Variants in EBF1 observed in about 807,000 individuals in gnomAD.
EBF1 encodes transcription factor COE1.
EBF1 carries 10 observed loss-of-function variants against 68.4 expected under a neutral mutation model. The ratio of observed to expected loss-of-function variants is 0.15; its 90% CI spans 0.09 to 0.25. EBF1 has a LOEUF of 0.25. Among genes scored for constraint, EBF1 ranks in the 10% least tolerant of loss-of-function variants. EBF1 has a pLI of 1.00. For synonymous variants in EBF1, 298 were observed against 299.8 expected, an observed-to-expected ratio of 0.99 and a Z score of 0.06; for missense variants, 509 against 794.4, an observed-to-expected ratio of 0.64 and a Z score of 4.32.
chr5:158,855,616 T>C (rs1323872432), intron 6 of EBF1, among the ~76,000 whole-genome samples: 1 of 152,186 alleles, frequency 6.6e-6, no homozygotes, highest in Non-Finnish European at 1.5e-5. Context: ...ACCTCAGTGA[T>C]CCCCCTCTCA....
intron 7 of EBF1, among the ~76,000 whole-genome samples, chr5:158,826,037 G>A (rs1171809323): frequency 6.6e-6 from 1 of 152,064 alleles, no homozygotes; most frequent in Non-Finnish European, 1.5e-5. Flanking sequence ...TTAATAAGGT[G>A]CTGACACATT....
At chr5:158,941,361 C>A (rs796278566) in intron 6 of EBF1, 13 of 426,890 alleles carry the variant, frequency 3.0e-5, no homozygotes, top group African/African-American at 1.8e-4. Flanking sequence ...GCAAAGGAAC[C>A]AATACAATGG....
intron 6 of EBF1, among the ~76,000 whole-genome samples, chr5:159,014,274 C>T (rs375937075): frequency 3.9e-5 from 6 of 152,242 alleles, no homozygotes; most frequent in Admixed American, 1.3e-4. Flanking sequence ...AAACAGATCA[C>T]GAAGGAGAAA....
intron 10 of EBF1, among the ~76,000 whole-genome samples, chr5:158,758,841 A>C (rs1035746157): frequency 6.6e-6 from 1 of 152,146 alleles, no homozygotes. Context: ...GCAGTGATAC[A>C]CTTGATAATC....
At chr5:158,736,456 T>C (rs993270160) in intron 10 of EBF1, among the ~76,000 whole-genome samples, 1 of 152,224 alleles carries the variant, frequency 6.6e-6, no homozygotes, top group Admixed American at 6.5e-5. Context: ...CTTTTTTTAA[T>C]GGTTGTGTGA....
At chr5:158,760,040 A>G (rs1397421541) in intron 10 of EBF1, among the ~76,000 whole-genome samples, 3 of 152,188 alleles carry the variant, frequency 2.0e-5, no homozygotes, top group Non-Finnish European at 4.4e-5. Context: ...ACAGTCTGCC[A>G]TTTTAAGGCC....
intron 6 of EBF1, among the ~76,000 whole-genome samples, chr5:158,947,870 TA>T (rs1815123305): frequency 6.6e-6 from 1 of 152,258 alleles, no homozygotes; most frequent in African/African-American, 2.4e-5. Context: ...AGCCCCCTTT[TA>T]AAAGTTCCCT....
intron 7 of EBF1, 37 bp downstream of exon 7, chr5:158,839,992 C>A (rs764365601): frequency 1.3e-6 from 2 of 1,581,086 alleles, no homozygotes; most frequent in South Asian, 1.1e-5. Context: ...GATATTCATG[C>A]CATTATTGAG....
At chr5:158,893,231 T>C (rs923729450) in intron 6 of EBF1, among the ~76,000 whole-genome samples, 1 of 152,342 alleles carries the variant, frequency 6.6e-6, no homozygotes, top group Admixed American at 6.5e-5. Flanking sequence ...TTTGGGAATA[T>C]ATATTATTAA....
In EBF1 at chr5:158,696,221, C is replaced by T. The variant is rs1376149888; in HGVS notation, c.*2890G>A. On this transcript the variant is annotated 3_prime_UTR_variant, in exon 16 of 16. Coordinates refer to ENST00000313708, the MANE Select transcript of EBF1 (RefSeq NM_024007.5). ...CCAACACTGAAATCTTAATTTAATT[C>T]TTCATTTCATTTTCTTCTTAAAGCC... is the stretch of plus-strand genomic sequence containing the variant. 2.8e-5 allele frequency: 6 copies of T among 218,044 alleles called. No homozygotes were observed. Among genetic ancestry groups the T allele is most frequent in the African/African-American group, 1.4e-4 (6 of 44,418 alleles). 13.5% of individuals were successfully genotyped at this position (218,044 alleles called of 1,614,324 possible).
At chr5:158,789,387 G>A (rs939106097) in intron 9 of EBF1, among the ~76,000 whole-genome samples, 140 of 152,134 alleles carry the variant, frequency 9.2e-4, no homozygotes, top group African/African-American at 3.0e-3. Flanking sequence ...GTCTTTCTCC[G>A]TCTTAATTTT....
chr5:158,975,193 A>C (rs181679080), intron 6 of EBF1, among the ~76,000 whole-genome samples: 1 of 152,298 alleles, frequency 6.6e-6, no homozygotes, highest in African/African-American at 2.4e-5. Context: ...TTCAGGAAAA[A>C]AGAAATGATT....
intron 6 of EBF1, among the ~76,000 whole-genome samples, chr5:158,953,565 T>C (rs1023427033): frequency 2.0e-5 from 3 of 152,218 alleles, no homozygotes; most frequent in African/African-American, 7.2e-5. Context: ...TCATACACTT[T>C]CTTTTTGAGA....
At chr5:159,004,094 T>C (rs189040616) in intron 6 of EBF1, among the ~76,000 whole-genome samples, 1 of 152,232 alleles carries the variant, frequency 6.6e-6, no homozygotes, top group Non-Finnish European at 1.5e-5. Context: ...CTGGGCAACA[T>C]GGTGAAACCC....
At chr5:158,799,429 AAATT>A (rs33984979) in intron 8 of EBF1, among the ~76,000 whole-genome samples, 81,836 of 147,916 alleles carry the variant, frequency 0.55, 22,592 homozygotes, top group South Asian at 0.69. Flanking sequence ...ATAAATAAAT[AAATT>A]AATTAATTAA....
At chr5:158,973,903 C>T (rs1756178082) in intron 6 of EBF1, among the ~76,000 whole-genome samples, 1 of 152,194 alleles carries the variant, frequency 6.6e-6, no homozygotes, top group Non-Finnish European at 1.5e-5. Context: ...CCACCTGGGC[C>T]AGCTCCCTCA....
At chr5:158,940,763 GCCCCC>G (rs1281689924) in intron 6 of EBF1, among the ~76,000 whole-genome samples, 118 of 6,378 alleles carry the variant, frequency 0.019, 2 homozygotes, top group South Asian at 0.071. Flanking sequence ...TCACCCCACC[GCCCCC>G]CCCCCCCCCC....
intron 6 of EBF1, among the ~76,000 whole-genome samples, chr5:158,910,706 T>G (rs563162926): frequency 6.6e-6 from 1 of 152,350 alleles, no homozygotes; most frequent in Non-Finnish European, 1.5e-5. Flanking sequence ...AAATAGGTTT[T>G]ATGGTTTATG....
At chr5:158,991,129 T>A (rs901676476) in intron 6 of EBF1, among the ~76,000 whole-genome samples, 4 of 152,230 alleles carry the variant, frequency 2.6e-5, no homozygotes, top group Non-Finnish European at 4.4e-5. Context: ...AACTTTGATT[T>A]CTACGTTTGT....
Sources: allele counts gnomAD v4.1 joint callset (sites outside exome capture counted in the v4.1 genomes callset), GRCh38; gene constraint gnomAD v4.1.1; transcripts MANE v1.5; gene names NCBI Gene and HGNC (gene_info 2026-07-23, HGNC 2026-07-21).